Variants in CDH9 observed in about 807,000 individuals in gnomAD.
CDH9 encodes cadherin-9.
In CDH9, 28 loss-of-function variants were observed where a neutral mutation model predicts 70.9. The observed-to-expected ratio is 0.40, with a 90% CI of 0.29 to 0.54. The LOEUF (loss-of-function observed/expected upper bound fraction) is 0.54, where lower values mean the gene tolerates loss of function less well. Ranked by LOEUF, CDH9 falls within the 20% of genes least tolerant of loss-of-function variation. The probability of loss-of-function intolerance (pLI) is 0.59; values close to 1 mark genes in which losing one functional copy is unlikely to be tolerated. For synonymous variants in CDH9, 409 were observed against 343.1 expected, an observed-to-expected ratio of 1.19 and a Z score of -2.12; for missense variants, 874 against 984.4, an observed-to-expected ratio of 0.89 and a Z score of 1.50.
chr5:26,902,917 G>T (rs556715419), intron 6 of CDH9, 188 bp from the exon 7 acceptor site: 62 of 518,558 alleles, frequency 1.2e-4, no homozygotes, highest in African/African-American at 1.1e-3. Flanking sequence ...TTCACAGAGG[G>T]TTAACTTAAT....
chr5:26,932,193 T>A (rs767751785), intron 2 of CDH9, among the ~76,000 whole-genome samples: 2 of 152,052 alleles, frequency 1.3e-5, no homozygotes, highest in Non-Finnish European at 2.9e-5. Flanking sequence ...ATCCAAGGAA[T>A]AAACATATGC....
intron 2 of CDH9, among the ~76,000 whole-genome samples, chr5:26,987,033 A>G (rs1314800242): frequency 6.6e-6 from 1 of 151,210 alleles, no homozygotes; most frequent in Non-Finnish European, 1.5e-5. Flanking sequence ...CACAGAGCAA[A>G]TGTATTCCTG....
intron 3 of CDH9, among the ~76,000 whole-genome samples, chr5:26,911,929 A>T (rs921631437): frequency 3.9e-5 from 6 of 152,150 alleles, no homozygotes; most frequent in African/African-American, 1.4e-4. Context: ...GCAGAGGGAA[A>T]CAAGAAGGGA....
At chr5:26,996,014 T>C (rs552442055) in intron 1 of CDH9, among the ~76,000 whole-genome samples, 1 of 152,100 alleles carries the variant, frequency 6.6e-6, no homozygotes, top group African/African-American at 2.4e-5. Context: ...TCAAAAAAGG[T>C]GAATTACTGT....
At position 26,903,000 on chromosome 5, in the gene CDH9, G is replaced by T. The variant is rs1740883858; in HGVS notation, c.1000-271C>A. The T allele has an allele frequency of 6.8e-5, 21 of 309,440 alleles. No homozygotes were observed. In the South Asian group the frequency reaches 1.2e-3, roughly 17 times the overall value. The allele number at this position is 309,440 out of a possible 1,614,324, so 19.2% of individuals were successfully genotyped here. A position where few individuals can be genotyped will look rare whatever the true frequency, so the allele number is the denominator to read the frequency against. ...ATTTTTTTGGTGACAAGTAAATGAAGTATTATCTAATGGATTTATACATTA... is the reference window on the plus strand; with the variant it reads ...ATTTTTTTGGTGACAAGTAAATGAATTATTATCTAATGGATTTATACATTA... On this transcript the variant is annotated intron_variant, in intron 6 of 11. Coordinates refer to ENST00000231021, the MANE Select transcript of CDH9 (RefSeq NM_016279.4).
chr5:27,023,850 A>G (rs781336185), intron 1 of CDH9, among the ~76,000 whole-genome samples: 4 of 151,794 alleles, frequency 2.6e-5, no homozygotes, highest in Non-Finnish European at 4.4e-5. Flanking sequence ...TCAGGAGTTC[A>G]AGACCAGTCT....
In CDH9 at chr5:26,885,872, G is replaced by C; in HGVS notation, c.1631-7C>G. On this transcript the variant is annotated splice_region_variant and splice_polypyrimidine_tract_variant and intron_variant, in intron 10 of 11. Transcript: ENST00000231021. Reference sequence around the variant, plus strand: ...ATGATTCCTGCTGTATTATCTGGGGGAGAAAACATGTAAAAAAACAAAAAC... The same window carrying C: ...ATGATTCCTGCTGTATTATCTGGGGCAGAAAACATGTAAAAAAACAAAAAC... 1 of 1,610,308 alleles carries C rather than the reference G, an allele frequency of 6.2e-7. No individual in the cohort carries two copies. Among genetic ancestry groups the C allele is most frequent in the Non-Finnish European group, 8.5e-7 (1 of 1,178,164 alleles).
rs1396901712 is a variant in CDH9 at position 26,928,337 on chromosome 5, G to GA, written c.229-12414dup. Among the ~76,000 whole-genome samples, 11 of 152,004 alleles carry GA rather than the reference G, an allele frequency of 7.2e-5. 2 individuals carry two copies. The highest frequency in any genetic ancestry group is 3.2e-3 in the Middle Eastern group (1 of 316). On this transcript the variant is annotated intron_variant, in intron 2 of 11. Transcript: ENST00000231021. ...TAAAATCTATAAAACATTAATGCAA[G>GA]AAAGGAGAGGATGCAATAAAATAGA... is the stretch of plus-strand genomic sequence containing the variant.
rs560758130 is a variant in CDH9, at chr5:26,923,738, C to A, written c.229-7814G>T. Among the ~76,000 whole-genome samples, 36 of 152,108 alleles carry A rather than the reference C, an allele frequency of 2.4e-4. No individual in the cohort carries two copies. In the East Asian group the frequency reaches 7.0e-3, roughly 29 times the overall value. On this transcript the variant is annotated intron_variant, in intron 2 of 11. Transcript: ENST00000231021. ...GTTCTCTGACCACAATGGAATAAAA[C>A]TAGAACTCAAACACATGAGGAATTT...
intron 2 of CDH9, among the ~76,000 whole-genome samples, chr5:26,979,748 C>T (rs919341): frequency 0.47 from 71,776 of 151,466 alleles, 17,818 homozygotes; most frequent in African/African-American, 0.52. Flanking sequence ...TGTGGGTAAA[C>T]TCTTAGGAGG....
intron 11 of CDH9, 102 bp downstream of exon 11, chr5:26,885,512 T>C: frequency 1.0e-6 from 1 of 964,216 alleles, no homozygotes. Context: ...GAAAATGTTC[T>C]ATCTTTATCT....
intron 2 of CDH9, among the ~76,000 whole-genome samples, chr5:26,972,801 G>C (rs1404140325): frequency 2.0e-5 from 3 of 151,954 alleles, no homozygotes; most frequent in African/African-American, 4.8e-5. Flanking sequence ...AAGAAACTAA[G>C]ATGTGAGAAT....
chr5:26,963,016 G>GT (rs1195064061), intron 2 of CDH9, among the ~76,000 whole-genome samples: 1 of 151,964 alleles, frequency 6.6e-6, no homozygotes, highest in Non-Finnish European at 1.5e-5. Flanking sequence ...CTTCACAGTG[G>GT]TTTTATAAAA....
At chr5:27,020,973 C>A (rs980254505) in intron 1 of CDH9, among the ~76,000 whole-genome samples, 1 of 151,696 alleles carries the variant, frequency 6.6e-6, no homozygotes, top group Non-Finnish European at 1.5e-5. Flanking sequence ...GGGAAGTGTT[C>A]AATGGCTGAT....
intron 2 of CDH9, among the ~76,000 whole-genome samples, chr5:26,955,604 C>CTCTG (rs1491584805): frequency 3.6e-5 from 4 of 112,588 alleles, no homozygotes; most frequent in East Asian, 3.0e-4. Flanking sequence ...CTCTCTCTCT[C>CTCTG]TGTGTGTGTT....
Position 26,993,131 on chromosome 5 carries a change from T to C in CDH9, c.-49-4749A>G, listed in dbSNP as rs370664982. 2.7e-5 allele frequency among the ~76,000 whole-genome samples: 4 copies of C among 148,768 alleles called. 1 individual carries two copies. The highest frequency in any genetic ancestry group is 9.8e-5 in the African/African-American group (4 of 40,622). ...AAAAAAAAAAAAAAGCATATCTAAG[T>C]AACATGGAACAGAACGTTGATAAAA... is the stretch of plus-strand genomic sequence containing the variant. On this transcript the variant is annotated intron_variant, in intron 1 of 11. Coordinates refer to ENST00000231021, the MANE Select transcript of CDH9 (RefSeq NM_016279.4).
chr5:26,920,463 T>C (rs1464212209), intron 2 of CDH9, among the ~76,000 whole-genome samples: 1 of 151,912 alleles, frequency 6.6e-6, no homozygotes, highest in African/African-American at 2.4e-5. Context: ...AGGAAGAATA[T>C]AAGCCTGGCT....
chr5:26,904,795 T>G (rs1232174856), intron 5 of CDH9, among the ~76,000 whole-genome samples: 1 of 152,106 alleles, frequency 6.6e-6, no homozygotes, highest in African/African-American at 2.4e-5. Flanking sequence ...ATGATAATGA[T>G]AGTAATTCAC....
intron 2 of CDH9, among the ~76,000 whole-genome samples, chr5:26,987,802 C>T (rs980767854): frequency 2.0e-5 from 3 of 151,922 alleles, no homozygotes; most frequent in Admixed American, 6.6e-5. Context: ...AACTATCAAT[C>T]GATCTCAAGG....
Sources: gnomAD v4.1 joint callset for allele counts (sites outside exome capture counted in the v4.1 genomes callset) on GRCh38, gnomAD v4.1.1 for gene constraint, MANE v1.5 for transcripts, NCBI Gene and HGNC (gene_info 2026-07-23, HGNC 2026-07-21) for gene names.